The following LIX1 variants were observed in gnomAD, a reference collection of about 807,000 sequenced individuals.
LIX1 encodes protein limb expression 1 homolog.
Under a neutral mutation model 33.4 loss-of-function variants are expected in LIX1, and 24 were observed. The ratio of observed to expected loss-of-function variants is 0.72; its 90% CI spans 0.52 to 1.01. LIX1 has a LOEUF of 1.01. Ranked by LOEUF, LIX1 falls within the 50% of genes least tolerant of loss-of-function variation. The pLI is 0.00. For synonymous variants in LIX1, 124 were observed against 124.0 expected (o/e 1.00, Z 0.00); for missense variants, 311 against 339.2 (o/e 0.92, Z 0.65).
At position 97,142,594 on chromosome 5, in the gene LIX1, G is replaced by A. The variant is rs1748317101; in HGVS notation, c.-18C>T. ...CTGTCCATCTTGGGTCTGCCTGTGT[G>A]AGCCTCCTGTACAGAGTGTCCTCAT... On this transcript the variant is annotated 5_prime_UTR_variant, in exon 1 of 6. Coordinates refer to ENST00000274382, the MANE Select transcript of LIX1 (RefSeq NM_153234.5). The A allele has an allele frequency of 1.9e-6, 3 of 1,603,694 alleles. No individual in the cohort carries two copies. The highest frequency in any genetic ancestry group is 2.7e-5 in the African/African-American group (2 of 74,672).
intron 3 of LIX1, among the ~76,000 whole-genome samples, chr5:97,106,612 G>A (rs1435703438): frequency 6.6e-5 from 10 of 152,198 alleles, no homozygotes; most frequent in Non-Finnish European, 1.3e-4. Context: ...CTTGCCACAG[G>A]TGGGGACTGA....
chr5:97,118,745 A>C, intron 2 of LIX1, among the ~76,000 whole-genome samples: 1 of 152,190 alleles, frequency 6.6e-6, no homozygotes, highest in Non-Finnish European at 1.5e-5. Flanking sequence ...GAAATGCAGA[A>C]ATAAAATTAT....
chr5:97,104,077 A>G (rs1029403937), intron 4 of LIX1, among the ~76,000 whole-genome samples: 20 of 152,164 alleles, frequency 1.3e-4, no homozygotes, highest in African/African-American at 4.6e-4. Context: ...TTTTTTAATA[A>G]TGTGCATGGG....
At chr5:97,124,393 A>T in intron 2 of LIX1, 73 bp downstream of exon 2, 1 of 1,280,512 alleles carries the variant, frequency 7.8e-7, no homozygotes, top group Non-Finnish European at 1.1e-6. Context: ...TTGTAATGTT[A>T]CCAGTTTACA....
chr5:97,106,417 T>A (rs963526277), intron 3 of LIX1, among the ~76,000 whole-genome samples: 4 of 152,212 alleles, frequency 2.6e-5, no homozygotes, highest in Non-Finnish European at 2.9e-5. Flanking sequence ...GGGAAAAGGG[T>A]CACATCTAGT....
At position 97,094,576 on chromosome 5, in the gene LIX1, G is replaced by C; in HGVS notation, c.*172C>G. Reference sequence around the variant, plus strand: ...AAAAATGCATCGAGTGGCTTGTTGGGTCTTGTAAGGGTCCTACGACTCTCA... The same window carrying C: ...AAAAATGCATCGAGTGGCTTGTTGGCTCTTGTAAGGGTCCTACGACTCTCA... On this transcript the variant is annotated 3_prime_UTR_variant, in exon 6 of 6. Transcript: ENST00000274382. The C allele has an allele frequency of 1.7e-6, 1 of 598,804 alleles. No individual in the cohort carries two copies. Among genetic ancestry groups the C allele is most frequent in the Non-Finnish European group, 2.9e-6 (1 of 343,264 alleles). The allele number at this position is 598,804 out of a possible 1,614,324, so 37.1% of individuals were successfully genotyped here.
intron 1 of LIX1, among the ~76,000 whole-genome samples, chr5:97,140,724 A>G (rs1748269862): frequency 6.6e-6 from 1 of 152,182 alleles, no homozygotes; most frequent in Non-Finnish European, 1.5e-5. Context: ...CTGGTACAGA[A>G]ATGTGCCATT....
At chr5:97,121,925 T>C (rs1316869977) in intron 2 of LIX1, among the ~76,000 whole-genome samples, 2 of 152,158 alleles carry the variant, frequency 1.3e-5, no homozygotes, top group Non-Finnish European at 2.9e-5. Flanking sequence ...TGGGGTGTAT[T>C]GACAGGCAGA....
At chr5:97,122,863 C>A (rs1023723779) in intron 2 of LIX1, among the ~76,000 whole-genome samples, 1 of 152,224 alleles carries the variant, frequency 6.6e-6, no homozygotes, top group African/African-American at 2.4e-5. Flanking sequence ...CCCTATTTTA[C>A]TCTAACAACT....
intron 2 of LIX1, among the ~76,000 whole-genome samples, chr5:97,111,173 G>A (rs1747369415): frequency 2.6e-5 from 4 of 152,116 alleles, no homozygotes; most frequent in Admixed American, 2.6e-4. Context: ...CTCCCTAAAG[G>A]CAGAGCCTAT....
chr5:97,101,745 G>A (rs984188056), intron 4 of LIX1: 5 of 152,064 alleles, frequency 3.3e-5, no homozygotes, highest in African/African-American at 1.2e-4. Flanking sequence ...GCTTCTCTTT[G>A]GAACTCTTTC....
chr5:97,121,811 C>G (rs1184648244), intron 2 of LIX1, among the ~76,000 whole-genome samples: 1 of 152,112 alleles, frequency 6.6e-6, no homozygotes. Flanking sequence ...CAAACAAGTA[C>G]ATTAGTTTAG....
chr5:97,103,959 C>T (rs186280625), intron 4 of LIX1, among the ~76,000 whole-genome samples: 363 of 135,060 alleles, frequency 2.7e-3, no homozygotes, highest in African/African-American at 0.011. Context: ...AGCTAGACTC[C>T]GTCTCAAAAA....
At chr5:97,128,694 A>G (rs1353325195) in intron 1 of LIX1, among the ~76,000 whole-genome samples, 2 of 152,144 alleles carry the variant, frequency 1.3e-5, no homozygotes, top group East Asian at 1.9e-4. Context: ...TCATCTACCT[A>G]GTTACCTAAA....
intron 2 of LIX1, among the ~76,000 whole-genome samples, chr5:97,112,798 TAAAA>T (rs534869921): frequency 0.053 from 5,721 of 108,308 alleles, 153 homozygotes; most frequent in South Asian, 0.11. Flanking sequence ...AAAATTAAAG[TAAAA>T]AAAAAAAAAA....
chr5:97,141,528 T>G (rs549602510), intron 1 of LIX1, among the ~76,000 whole-genome samples: 1 of 152,138 alleles, frequency 6.6e-6, no homozygotes, highest in African/African-American at 2.4e-5. Context: ...ATATGAGAAA[T>G]CTAAGCTAAG....
chr5:97,093,949 A>C lies in LIX1; in HGVS notation c.*799T>G, dbSNP rs901176311. 2 of 151,972 alleles carry C rather than the reference A, an allele frequency of 1.3e-5. No individual in the cohort carries two copies. The highest frequency in any genetic ancestry group is 2.9e-5 in the Non-Finnish European group (2 of 68,036). 9.4% of individuals were successfully genotyped at this position (151,972 alleles called of 1,614,324 possible). A position where few individuals can be genotyped will look rare whatever the true frequency, so the allele number is the denominator to read the frequency against. On this transcript the variant is annotated 3_prime_UTR_variant, in exon 6 of 6. Coordinates refer to ENST00000274382, the MANE Select transcript of LIX1 (RefSeq NM_153234.5). ...TCTGTAGATATATGTTTGCAGTGGC[A>C]AAAAATAAGAACAAATTAGTTCAGG...
At chr5:97,128,527 TCTC>T (rs1408993298) in intron 1 of LIX1, among the ~76,000 whole-genome samples, 1 of 152,120 alleles carries the variant, frequency 6.6e-6, no homozygotes, top group Non-Finnish European at 1.5e-5. Flanking sequence ...CCCAAACTAT[TCTC>T]CTGCATCTCC....
intron 2 of LIX1, among the ~76,000 whole-genome samples, chr5:97,118,240 C>G (rs73775676): frequency 0.011 from 1,686 of 152,244 alleles, 25 homozygotes; most frequent in African/African-American, 0.039. Context: ...GGAAATTTTT[C>G]CTTTTTAGTC....
Sources: allele counts gnomAD v4.1 joint callset (sites outside exome capture counted in the v4.1 genomes callset), GRCh38; gene constraint gnomAD v4.1.1; transcripts MANE v1.5; gene names NCBI Gene and HGNC (gene_info 2026-07-23, HGNC 2026-07-21).